HMMR: variants seen among roughly 807,000 people sequenced by gnomAD.
HMMR encodes the protein intracellular hyaluronic acid-binding protein.
Under a neutral mutation model 101.0 loss-of-function variants are expected in HMMR, and 108 were observed. The ratio of observed to expected loss-of-function variants is 1.07; its 90% CI spans 0.92 to 1.25. HMMR has a LOEUF of 1.25. HMMR is among the 50% of genes most tolerant of loss of function. HMMR has a pLI of 0.00. For missense variants in HMMR, 813 were observed against 788.7 expected (o/e 1.03, Z -0.37); for synonymous variants, 296 against 276.4 (o/e 1.07, Z -0.70).
At chr5:163,462,827 C>CAAAAA (rs72118799) in intron 1 of HMMR, among the ~76,000 whole-genome samples, 2 of 70,720 alleles carry the variant, frequency 2.8e-5, no homozygotes, top group Non-Finnish European at 5.6e-5. Context: ...GACTCCGTCT[C>CAAAAA]AAAAAAAAAA....
intron 7 of HMMR, among the ~76,000 whole-genome samples, chr5:163,472,839 T>C (rs1758939959): frequency 1.3e-5 from 2 of 152,258 alleles, no homozygotes; most frequent in African/African-American, 4.8e-5. Flanking sequence ...AAAAGCTTTA[T>C]GGGCACACAA....
Position 163,478,735 on chromosome 5 carries a change from G to A in HMMR, c.1320G>A (p.Leu440=), listed in dbSNP as rs373392058. The A allele has an allele frequency of 9.4e-5, 151 of 1,613,508 alleles. No individual in the cohort carries two copies. Among genetic ancestry groups the A allele is most frequent in the Non-Finnish European group, 1.2e-4 (142 of 1,179,566 alleles). ...KSSAAHTQAT[L]LLQEKYDSMV... ...GTGCTGCTCATACCCAGGCCACCCTGCTTTTGCAGGAAAAGTATGACAGTA... is the reference window on the plus strand; with the variant it reads ...GTGCTGCTCATACCCAGGCCACCCTACTTTTGCAGGAAAAGTATGACAGTA... The change falls in exon 12 of 18, where the codon CTG becomes CTA. Residue 440 remains leucine, a synonymous_variant. Coordinates refer to ENST00000393915, the MANE Select transcript of HMMR (RefSeq NM_001142556.2).
chr5:163,471,277 T>G lies in HMMR; in HGVS notation c.549+6T>G, dbSNP rs755567153. The G allele has an allele frequency of 6.2e-7, 1 of 1,609,308 alleles. No individual in the cohort carries two copies. The highest frequency in any genetic ancestry group is 2.2e-5 in the East Asian group (1 of 44,852). ...AAAGAGAAACAAAGATGAGGGTGAG[T>G]GCTGCCCTTGGCAGGTTTGCTGTGT... On this transcript the variant is annotated splice_donor_region_variant and intron_variant, in intron 6 of 17. Transcript: ENST00000393915.
intron 11 of HMMR, among the ~76,000 whole-genome samples, chr5:163,476,716 T>G (rs1306512834): frequency 6.6e-6 from 1 of 152,058 alleles, no homozygotes; most frequent in Non-Finnish European, 1.5e-5. Flanking sequence ...AAGTAAGAAA[T>G]CTCTTATTTA....
rs370065820 is a variant in HMMR, at chr5:163,467,561, A to C, written c.226-140A>C. ...TTTATTTATCAGATGAGTGGCCTACACAATGTTTAACAGTGTAATGTTTAA... is the reference window on the plus strand; with the variant it reads ...TTTATTTATCAGATGAGTGGCCTACCCAATGTTTAACAGTGTAATGTTTAA... On this transcript the variant is annotated intron_variant, in intron 3 of 17. Transcript: ENST00000393915. 3 of 508,420 alleles carry C rather than the reference A, an allele frequency of 5.9e-6. No individual in the cohort carries two copies. In the African/African-American group the frequency reaches 6.0e-5, roughly 10 times the overall value. 31.5% of individuals were successfully genotyped at this position (508,420 alleles called of 1,614,324 possible). A position where few individuals can be genotyped will look rare whatever the true frequency, so the allele number is the denominator to read the frequency against.
rs530829323 is a variant in HMMR at position 163,488,512 on chromosome 5, G to C, written c.1963-1878G>C. On this transcript the variant is annotated intron_variant, in intron 16 of 17. Transcript: ENST00000393915. ...TTGGGGGCTTTTTATTTGCTTGTTT[G>C]CTTAATGAGTGGCTCAATTATTTTA... 4.6e-5 allele frequency among the ~76,000 whole-genome samples: 7 copies of C among 152,188 alleles called. No homozygotes were observed. In the East Asian group the frequency reaches 1.2e-3, roughly 25 times the overall value.
At chr5:163,486,260 C>T (rs299312) in intron 16 of HMMR, among the ~76,000 whole-genome samples, 38,184 of 152,066 alleles carry the variant, frequency 0.25, 5,023 homozygotes, top group African/African-American at 0.3. Context: ...TCTTCTAATA[C>T]ATGAATATGG....
intron 11 of HMMR, among the ~76,000 whole-genome samples, chr5:163,478,329 G>T (rs1227733091): frequency 6.6e-6 from 1 of 152,164 alleles, no homozygotes; most frequent in Non-Finnish European, 1.5e-5. Flanking sequence ...GTGTCTAAAT[G>T]GAGAGAATGA....
chr5:163,478,738 T>G lies in HMMR; in HGVS notation c.1323T>G (p.Leu441=). The G allele has an allele frequency of 6.2e-7, 1 of 1,613,622 alleles. No individual in the cohort carries two copies. Among genetic ancestry groups the G allele is most frequent in the Non-Finnish European group, 8.5e-7 (1 of 1,179,556 alleles). Residue 441 remains leucine (L), a synonymous_variant, in exon 12 of 18, where the codon CTT becomes CTG. Coordinates refer to ENST00000393915, the MANE Select transcript of HMMR (RefSeq NM_001142556.2). ...SSAAHTQATL[L]LQEKYDSMVQ... ...CTGCTCATACCCAGGCCACCCTGCTTTTGCAGGAAAAGTATGACAGTATGG... is the reference window on the plus strand; with the variant it reads ...CTGCTCATACCCAGGCCACCCTGCTGTTGCAGGAAAAGTATGACAGTATGG...
intron 3 of HMMR, among the ~76,000 whole-genome samples, chr5:163,466,458 G>A (rs1325716407): frequency 6.6e-6 from 1 of 151,950 alleles, no homozygotes; most frequent in African/African-American, 2.4e-5. Flanking sequence ...ACTGAAATGT[G>A]GCTAGTGCTA....
At chr5:163,482,452 A>G (rs903222323) in intron 12 of HMMR, among the ~76,000 whole-genome samples, 190 bp from the exon 13 acceptor site, 1 of 152,166 alleles carries the variant, frequency 6.6e-6, no homozygotes, top group Non-Finnish European at 1.5e-5. Context: ...TTCTTTGAAT[A>G]CACAGCAGAT....
chr5:163,479,574 G>A (rs759730697), intron 12 of HMMR, among the ~76,000 whole-genome samples: 2 of 152,116 alleles, frequency 1.3e-5, no homozygotes, highest in Non-Finnish European at 2.9e-5. Flanking sequence ...AGGGCAGGAG[G>A]ATCACCTGAG....
chr5:163,464,072 A>T (rs1458449947), intron 2 of HMMR, 118 bp downstream of exon 2: 2 of 424,486 alleles, frequency 4.7e-6, no homozygotes, highest in African/African-American at 4.1e-5. Context: ...ACTATATTTA[A>T]ATTTTATTTG....
chr5:163,468,181 A>G (rs1250833858), intron 4 of HMMR, among the ~76,000 whole-genome samples: 3 of 152,242 alleles, frequency 2.0e-5, no homozygotes, highest in Admixed American at 1.3e-4. Context: ...TGCTCTGCAC[A>G]ATAGGTATAG....
intron 16 of HMMR, among the ~76,000 whole-genome samples, chr5:163,487,088 A>G (rs1188000525): frequency 1.3e-5 from 2 of 152,224 alleles, no homozygotes; most frequent in South Asian, 2.1e-4. Flanking sequence ...TCGATTTGTC[A>G]TAGATGCTCT....
chr5:163,462,787 C>A (rs2113450682), intron 1 of HMMR, among the ~76,000 whole-genome samples: 2 of 147,688 alleles, frequency 1.4e-5, no homozygotes, highest in South Asian at 4.3e-4. Context: ...AAGATGGCGC[C>A]ACTACACTCC....
At chr5:163,488,427 T>C (rs568949171) in intron 16 of HMMR, among the ~76,000 whole-genome samples, 6 of 152,298 alleles carry the variant, frequency 3.9e-5, no homozygotes, top group East Asian at 1.9e-4. Flanking sequence ...TAATTTTTCA[T>C]TGGAAAGTAA....
At position 163,484,078 on chromosome 5, in the gene HMMR, G is replaced by T; in HGVS notation, c.1795G>T (p.Asp599Tyr). 6.3e-7 allele frequency: 1 copy of T among 1,586,996 alleles called. No homozygotes were observed. Among genetic ancestry groups the T allele is most frequent in the South Asian group, 1.2e-5 (1 of 85,934 alleles). Reference protein sequence around the residue: ...NKTKPFQLQLDAFEVEKQALL... With the variant: ...NKTKPFQLQLYAFEVEKQALL... ...AAAAAATCTTTTTCAGCTACAACTA[G>T]ATGCTTTTGAAGTAGAAAAACAGGC... The change falls in exon 16 of 18, where the codon GAT (aspartate) becomes TAT (tyrosine). Residue 599 changes from aspartate to tyrosine, a missense_variant. Asp to Tyr is a radical substitution (Grantham distance 160, BLOSUM62 -3). Transcript: ENST00000393915.
chr5:163,483,406 A>G (rs1182795728), intron 15 of HMMR, 39 bp downstream of exon 15: 1 of 1,107,772 alleles, frequency 9.0e-7, no homozygotes, highest in African/African-American at 1.6e-5. Flanking sequence ...TGTTTATTTT[A>G]GGGACTCACT....
Sources: gnomAD v4.1 joint callset for allele counts (sites outside exome capture counted in the v4.1 genomes callset) on GRCh38, gnomAD v4.1.1 for gene constraint, MANE v1.5 for transcripts, NCBI Gene and HGNC (gene_info 2026-07-23, HGNC 2026-07-21) for gene names.